VPS13B: variants seen among roughly 807,000 people sequenced by gnomAD.
VPS13B encodes the protein intermembrane lipid transfer protein VPS13B.
In VPS13B, 285 loss-of-function variants were observed where a neutral mutation model predicts 426.4. That is an observed-to-expected ratio of 0.67 (90% CI 0.61 to 0.74). The LOEUF (loss-of-function observed/expected upper bound fraction) is 0.74. Among genes scored for constraint, VPS13B ranks in the 30% least tolerant of loss-of-function variants. The pLI is 0.00. For missense variants in VPS13B, 4,537 were observed against 4,782.6 expected (o/e 0.95, Z 1.51); for synonymous variants, 1,676 against 1,676.4 (o/e 1.00, Z 0.01).
chr8:99,240,612 A>C (rs1335436740), intron 17 of VPS13B, among the ~76,000 whole-genome samples: 1 of 152,204 alleles, frequency 6.6e-6, no homozygotes, highest in Non-Finnish European at 1.5e-5. Context: ...ACAATTTCCA[A>C]ACATTAACTG....
At chr8:99,693,284 C>A (rs1831775083) in intron 35 of VPS13B, among the ~76,000 whole-genome samples, 1 of 149,934 alleles carries the variant, frequency 6.7e-6, no homozygotes, top group African/African-American at 2.4e-5. Flanking sequence ...AACATTGATG[C>A]AAAAATCCTC....
chr8:99,665,624 G>C (rs2129817935), intron 35 of VPS13B, among the ~76,000 whole-genome samples: 1 of 152,248 alleles, frequency 6.6e-6, no homozygotes, highest in South Asian at 2.1e-4. Flanking sequence ...AGATCAGATA[G>C]TTGTAGATAT....
intron 24 of VPS13B, among the ~76,000 whole-genome samples, chr8:99,468,552 T>A (rs965694531): frequency 7.2e-5 from 11 of 152,078 alleles, no homozygotes; most frequent in South Asian, 2.1e-4. Flanking sequence ...AGTACTTTTT[T>A]AAGTAGGTTC....
chr8:99,514,923 C>T (rs1159071854), intron 29 of VPS13B, among the ~76,000 whole-genome samples: 2 of 152,144 alleles, frequency 1.3e-5, no homozygotes, highest in African/African-American at 2.4e-5. Context: ...TGAACAATGC[C>T]AATGTGCAGG....
At chr8:99,293,759 C>A (rs1225585203) in intron 19 of VPS13B, among the ~76,000 whole-genome samples, 1 of 152,156 alleles carries the variant, frequency 6.6e-6, no homozygotes, top group Non-Finnish European at 1.5e-5. Flanking sequence ...CAAAAGAAGA[C>A]ATTTATGCAG....
intron 35 of VPS13B, among the ~76,000 whole-genome samples, chr8:99,687,337 C>T (rs557819041): frequency 1.3e-5 from 2 of 152,058 alleles, no homozygotes; most frequent in Non-Finnish European, 2.9e-5. Context: ...TTAGCTGCCC[C>T]ATCTGGTGTC....
chr8:99,189,575 C>A (rs1813436178), intron 16 of VPS13B, among the ~76,000 whole-genome samples: 1 of 151,806 alleles, frequency 6.6e-6, no homozygotes, highest in Non-Finnish European at 1.5e-5. Flanking sequence ...TATTTCTTTT[C>A]TATTTGTTTT....
At chr8:99,121,135 A>G (rs1270133047) in intron 7 of VPS13B, 42 bp from the exon 8 acceptor site, 26 of 1,575,944 alleles carry the variant, frequency 1.6e-5, no homozygotes, top group Non-Finnish European at 2.2e-5. Context: ...TCTTAGTTAA[A>G]TCCTTTTGAC....
intron 13 of VPS13B, among the ~76,000 whole-genome samples, chr8:99,144,561 T>C (rs1311848318): frequency 6.6e-6 from 1 of 152,034 alleles, no homozygotes; most frequent in African/African-American, 2.4e-5. Context: ...GCAACTTTAC[T>C]GTTACCTTAA....
intron 33 of VPS13B, among the ~76,000 whole-genome samples, chr8:99,602,126 T>G (rs1354967973): frequency 6.6e-6 from 1 of 152,188 alleles, no homozygotes; most frequent in Non-Finnish European, 1.5e-5. Context: ...GTTTTTATAG[T>G]TTTAGTTCTA....
chr8:99,542,176 AC>A (rs993069682), intron 30 of VPS13B, among the ~76,000 whole-genome samples: 10 of 152,286 alleles, frequency 6.6e-5, no homozygotes, highest in Admixed American at 3.3e-4. Context: ...GACGTGAGCC[AC>A]CGTGCCTGGC....
At chr8:99,039,354 A>G (rs913618068) in intron 3 of VPS13B, among the ~76,000 whole-genome samples, 11 of 152,052 alleles carry the variant, frequency 7.2e-5, no homozygotes, top group African/African-American at 2.4e-4. Context: ...AGATTTATTT[A>G]TTTCTTCTCT....
chr8:99,447,742 C>T (rs1031526554), intron 23 of VPS13B, among the ~76,000 whole-genome samples: 9 of 151,960 alleles, frequency 5.9e-5, no homozygotes, highest in African/African-American at 2.2e-4. Flanking sequence ...TAGTATGTGT[C>T]ACATATTGTT....
chr8:99,504,560 T>C (rs904324976), intron 27 of VPS13B, among the ~76,000 whole-genome samples: 7 of 152,192 alleles, frequency 4.6e-5, no homozygotes, highest in African/African-American at 1.7e-4. Flanking sequence ...GTCAATGAGC[T>C]ACTGCTCATT....
intron 33 of VPS13B, among the ~76,000 whole-genome samples, chr8:99,598,841 G>A (rs1194217091): frequency 7.5e-6 from 1 of 133,710 alleles, no homozygotes; most frequent in African/African-American, 2.8e-5. Flanking sequence ...GTCCATGAAT[G>A]TTTGGTGCCT....
intron 2 of VPS13B, among the ~76,000 whole-genome samples, chr8:99,027,239 T>G (rs187942955): frequency 5.3e-5 from 8 of 152,314 alleles, no homozygotes; most frequent in Non-Finnish European, 8.8e-5. Context: ...TTATAGTTTT[T>G]AATTTGGGGT....
chr8:99,656,228 C>G (rs1588593718), intron 34 of VPS13B, among the ~76,000 whole-genome samples: 1 of 152,170 alleles, frequency 6.6e-6, no homozygotes, highest in African/African-American at 2.4e-5. Context: ...ATCGAACTCA[C>G]TCTGAACCAA....
chr8:99,474,382 T>C (rs979012063), intron 24 of VPS13B, among the ~76,000 whole-genome samples: 12 of 151,888 alleles, frequency 7.9e-5, no homozygotes, highest in African/African-American at 2.2e-4. Flanking sequence ...GAGACAGGGT[T>C]TCACCTGTTG....
intron 17 of VPS13B, among the ~76,000 whole-genome samples, chr8:99,204,281 G>C (rs1290634412): frequency 1.3e-5 from 2 of 152,148 alleles, no homozygotes; most frequent in Admixed American, 1.3e-4. Context: ...CTTAATAAAT[G>C]GTTTTGGGAA....
Sources: allele counts gnomAD v4.1 joint callset (sites outside exome capture counted in the v4.1 genomes callset), GRCh38; gene constraint gnomAD v4.1.1; transcripts MANE v1.5; gene names NCBI Gene and HGNC (gene_info 2026-07-23, HGNC 2026-07-21).